SHANK2: variants seen among roughly 807,000 people sequenced by gnomAD.
SHANK2 encodes SH3 and multiple ankyrin repeat domains protein 2.
A neutral mutation model predicts 133.7 loss-of-function variants in SHANK2; 43 were observed. The observed-to-expected ratio is 0.32, with a 90% confidence interval of 0.25 to 0.41. The LOEUF is 0.41. Ranked by LOEUF, SHANK2 falls within the 10% of genes least tolerant of loss-of-function variation. The pLI is 1.00. For missense variants in SHANK2, 1,994 were observed against 2,235.8 expected (o/e 0.89, Z 2.18); for synonymous variants, 1,017 against 952.8 (o/e 1.07, Z -1.24).
intron 17 of SHANK2, among the ~76,000 whole-genome samples, chr11:70,551,539 T>C (rs1450113166): frequency 3.3e-5 from 5 of 152,210 alleles, no homozygotes; most frequent in African/African-American, 1.2e-4. Flanking sequence ...GTGTGATGCT[T>C]GCCATGGCCT....
intron 2 of SHANK2, among the ~76,000 whole-genome samples, chr11:71,164,902 G>A (rs1953106714): frequency 6.6e-6 from 1 of 152,182 alleles, no homozygotes; most frequent in African/African-American, 2.4e-5. Flanking sequence ...GAGTGGGGCT[G>A]TGGCTACTCC....
At chr11:70,888,031 A>G (rs1555073879) in intron 11 of SHANK2, among the ~76,000 whole-genome samples, 1 of 152,222 alleles carries the variant, frequency 6.6e-6, no homozygotes, top group Admixed American at 6.5e-5. Flanking sequence ...GCTGAAGACC[A>G]TAATGCAGAA....
intron 8 of SHANK2, among the ~76,000 whole-genome samples, chr11:71,090,199 TATGTGTCCTGCTGCTTCTACATTCAGG>T: frequency 7.2e-6 from 1 of 139,472 alleles, no homozygotes. Flanking sequence ...TGTGTGTGTG[TATGTGTCCTGCTGCTTCTACATTCAGG>T]GTGTATCAGC....
intron 17 of SHANK2, among the ~76,000 whole-genome samples, chr11:70,627,503 T>C (rs2060920418): frequency 6.6e-6 from 1 of 152,232 alleles, no homozygotes; most frequent in Non-Finnish European, 1.5e-5. Flanking sequence ...TACTGCAGCC[T>C]AACCCCGCTG....
At chr11:70,779,056 G>A (rs569257688) in intron 14 of SHANK2, among the ~76,000 whole-genome samples, 1 of 152,152 alleles carries the variant, frequency 6.6e-6, no homozygotes, top group East Asian at 1.9e-4. Flanking sequence ...GGGAGGGGAC[G>A]AGGAAGGCCT....
chr11:70,842,591 C>T (rs1948923823), intron 11 of SHANK2, among the ~76,000 whole-genome samples: 1 of 152,222 alleles, frequency 6.6e-6, no homozygotes, highest in South Asian at 2.1e-4. Context: ...CAGCCCTGCA[C>T]CGTGAGCTCC....
In SHANK2 at chr11:71,237,650, G is replaced by A. The variant is rs114895369; in HGVS notation, c.-112-12854C>T. ...ATCGTGGCACTTACAGGGAGGTTCC[G>A]GCAAAGCAGGAGTTAATCCTGTTTG... On this transcript the variant is annotated intron_variant, in intron 1 of 25. Transcript: ENST00000601538. Among the ~76,000 whole-genome samples the A allele has an allele frequency of 2.7e-3, 416 of 152,276 alleles. 1 individual carries two copies. The highest frequency in any genetic ancestry group is 9.6e-3 in the African/African-American group (398 of 41,550).
chr11:70,539,411 C>G (rs116710386), intron 17 of SHANK2, among the ~76,000 whole-genome samples: 1 of 151,832 alleles, frequency 6.6e-6, no homozygotes, highest in Non-Finnish European at 1.5e-5. Flanking sequence ...GACTCCGAGT[C>G]GGGGTGCCCA....
chr11:70,535,492 A>G lies in SHANK2; in HGVS notation c.2062-32561T>C, dbSNP rs533419585. On this transcript the variant is annotated intron_variant, in intron 17 of 25. Transcript: ENST00000601538. This position sits in a 1 kb window ranked among gnomAD's most constrained non-coding sequence, Gnocchi z 4.3. ...CGTCCATCCATCCATCCATCCATCC[A>G]TCCGTCCGTCCGTCCATCTATTCAT... Among the ~76,000 whole-genome samples, 3 of 150,522 alleles carry G rather than the reference A, an allele frequency of 2.0e-5. No homozygotes were observed. The highest frequency in any genetic ancestry group is 7.5e-5 in the African/African-American group (3 of 40,016).
intron 17 of SHANK2, among the ~76,000 whole-genome samples, chr11:70,541,242 T>C (rs1203091383): frequency 2.6e-5 from 4 of 152,240 alleles, no homozygotes; most frequent in African/African-American, 9.6e-5. Flanking sequence ...GCACCGGTGA[T>C]GGACACTTAA....
At chr11:70,554,287 T>C (rs2059803138) in intron 17 of SHANK2, among the ~76,000 whole-genome samples, 1 of 152,106 alleles carries the variant, frequency 6.6e-6, no homozygotes, top group African/African-American at 2.4e-5. Context: ...GGGTCCAGTC[T>C]CAGATGGCCT....
intron 17 of SHANK2, among the ~76,000 whole-genome samples, chr11:70,615,790 G>T (rs561423033): frequency 1.3e-5 from 2 of 152,190 alleles, no homozygotes; most frequent in South Asian, 4.2e-4. Flanking sequence ...TTTGGTGGTA[G>T]AAGGAAGCCC....
chr11:70,741,037 G>A lies in SHANK2; in HGVS notation c.1778-42274C>T, dbSNP rs375157258. Among the ~76,000 whole-genome samples the A allele has an allele frequency of 4.6e-5, 7 of 152,110 alleles. 1 individual carries two copies. The highest frequency in any genetic ancestry group is 3.3e-4 in the Admixed American group (5 of 15,278). The stretch of plus-strand genomic sequence containing the variant: ...TTAACTGTTCATCCATTCAACTTCC[G>A]CTCATCCCATCTGTCTATCCATCCA... On this transcript the variant is annotated intron_variant, in intron 14 of 25. Transcript: ENST00000601538.
At chr11:70,797,577 GA>G (rs1555049391) in intron 14 of SHANK2, among the ~76,000 whole-genome samples, 1 of 152,168 alleles carries the variant, frequency 6.6e-6, no homozygotes, top group East Asian at 1.9e-4. Context: ...TGGCAGATCT[GA>G]TCAGGCGGCA....
At chr11:70,930,002 G>A (rs868989681) in intron 10 of SHANK2, among the ~76,000 whole-genome samples, 49 of 152,290 alleles carry the variant, frequency 3.2e-4, no homozygotes, top group Admixed American at 2.0e-3. Flanking sequence ...AGGACCACAC[G>A]GTCTCTGTCA....
chr11:70,592,756 T>C lies in SHANK2; in HGVS notation c.2061+67072A>G, dbSNP rs369817124. On this transcript the variant is annotated intron_variant, in intron 17 of 25. Transcript: ENST00000601538. ...ACAGTGGCTGCGTCTGCCCTTTTGC[T>C]ATGGCCCAAGGCAGCTGCGGATTCC... Among the ~76,000 whole-genome samples the C allele has an allele frequency of 2.6e-5, 4 of 152,136 alleles. No individual in the cohort carries two copies. In the East Asian group the frequency reaches 5.8e-4, roughly 22 times the overall value.
intron 5 of SHANK2, among the ~76,000 whole-genome samples, chr11:71,112,159 C>T (rs1007793123): frequency 5.3e-5 from 8 of 152,166 alleles, no homozygotes; most frequent in South Asian, 2.1e-4. Flanking sequence ...TTTGGGAGGC[C>T]GAGGCGGATG....
At chr11:70,914,337 G>A (rs1256389919) in intron 10 of SHANK2, among the ~76,000 whole-genome samples, 1 of 151,984 alleles carries the variant, frequency 6.6e-6, no homozygotes, top group Non-Finnish European at 1.5e-5. Flanking sequence ...GAGAGCATGA[G>A]CAATACCCAG....
At chr11:71,235,725 G>A (rs1322979817) in intron 1 of SHANK2, among the ~76,000 whole-genome samples, 1 of 152,154 alleles carries the variant, frequency 6.6e-6, no homozygotes, top group African/African-American at 2.4e-5. Flanking sequence ...GGAAAACACT[G>A]AAGGCAAAAG....
Sources: gnomAD v4.1 joint callset for allele counts (sites outside exome capture counted in the v4.1 genomes callset) on GRCh38, gnomAD v4.1.1 for gene constraint, Gnocchi (gnomAD v3.1) non-coding constraint, MANE v1.5 for transcripts, NCBI Gene and HGNC (gene_info 2026-07-23, HGNC 2026-07-21) for gene names.